RNF38: variants seen among roughly 807,000 people sequenced by gnomAD.
RNF38 encodes the protein E3 ubiquitin-protein ligase RNF38.
A neutral mutation model predicts 67.2 loss-of-function variants in RNF38; 15 were observed. The ratio of observed to expected loss-of-function variants is 0.22; its 90% CI spans 0.15 to 0.34. The LOEUF (loss-of-function observed/expected upper bound fraction) is 0.34, where lower values mean the gene tolerates loss of function less well. RNF38 is among the 10% of genes least tolerant of loss of function. The probability of loss-of-function intolerance (pLI) is 1.00; values close to 1 mark genes in which losing one functional copy is unlikely to be tolerated. For synonymous variants in RNF38, 220 were observed against 218.8 expected, an observed-to-expected ratio of 1.01 and a Z score of -0.05; for missense variants, 524 against 639.9, an observed-to-expected ratio of 0.82 and a Z score of 1.95.
rs878899923 is a variant in RNF38 at position 36,339,623 on chromosome 9, T to C, written c.*129A>G. The C allele has an allele frequency of 1.4e-6, 1 of 692,776 alleles. No individual in the cohort carries two copies. The highest frequency in any genetic ancestry group is 2.7e-5 in the East Asian group (1 of 36,584). The allele number at this position is 692,776 out of a possible 1,614,324, so 42.9% of individuals were successfully genotyped here. ...TTTTATAGTTGATTAAGTCACACAG[T>C]GCAAAGAAAGGTCCATTGACCCTTT... On this transcript the variant is annotated 3_prime_UTR_variant, in exon 12 of 12. Transcript: ENST00000259605.
intron 9 of RNF38, among the ~76,000 whole-genome samples, chr9:36,346,935 C>T (rs1390036210): frequency 2.0e-5 from 3 of 152,006 alleles, no homozygotes; most frequent in South Asian, 2.1e-4. Context: ...CTGGTCAACA[C>T]GGTGAAACCC....
At chr9:36,436,784 T>G (rs981165724) in intron 1 of RNF38, among the ~76,000 whole-genome samples, 4 of 130,318 alleles carry the variant, frequency 3.1e-5, no homozygotes, top group African/African-American at 1.2e-4. Flanking sequence ...ATAGCACCAC[T>G]GCACTCCAGC....
intron 2 of RNF38, among the ~76,000 whole-genome samples, chr9:36,384,673 T>C (rs1489731873): frequency 6.6e-6 from 1 of 152,234 alleles, no homozygotes; most frequent in South Asian, 2.1e-4. Context: ...TAAATAAATG[T>C]GGTTATGTTA....
intron 2 of RNF38, among the ~76,000 whole-genome samples, chr9:36,388,855 G>C (rs1426908498): frequency 6.6e-6 from 1 of 152,082 alleles, no homozygotes; most frequent in East Asian, 1.9e-4. Context: ...ACACATTAAG[G>C]GAATAATTTT....
At chr9:36,389,701 T>C (rs2134006619) in intron 2 of RNF38, among the ~76,000 whole-genome samples, 1 of 152,344 alleles carries the variant, frequency 6.6e-6, no homozygotes, top group Middle Eastern at 3.4e-3. Context: ...TTCACTTTCA[T>C]ACAAACAGAA....
chr9:36,394,040 G>T (rs767664965), intron 1 of RNF38, among the ~76,000 whole-genome samples: 7 of 152,200 alleles, frequency 4.6e-5, no homozygotes, highest in Non-Finnish European at 7.3e-5. Flanking sequence ...ACTTTGGGAG[G>T]CCGAGGCGGG....
chr9:36,422,564 T>C (rs1170391668), intron 2 of RNF38, among the ~76,000 whole-genome samples: 6 of 152,232 alleles, frequency 3.9e-5, no homozygotes, highest in Non-Finnish European at 7.3e-5. Context: ...CCTAGACACA[T>C]AGCTACCTAT....
At chr9:36,412,235 A>G (rs543899764) in intron 2 of RNF38, among the ~76,000 whole-genome samples, 20 of 152,266 alleles carry the variant, frequency 1.3e-4, no homozygotes, top group Admixed American at 2.0e-4. Flanking sequence ...ATGCTTACAA[A>G]TATCAGCCTT....
chr9:36,385,797 A>G (rs1836581977), intron 2 of RNF38, among the ~76,000 whole-genome samples: 1 of 152,206 alleles, frequency 6.6e-6, no homozygotes. Flanking sequence ...GAAAGGGCCC[A>G]GTTCTTCTCG....
In RNF38 at chr9:36,338,554, T is replaced by TTAA. The variant is rs1764238923; in HGVS notation, c.*1195_*1197dup. On this transcript the variant is annotated 3_prime_UTR_variant, in exon 12 of 12. Coordinates refer to ENST00000259605, the MANE Select transcript of RNF38 (RefSeq NM_022781.5). ...TCAGAATTGGAGTCTGGCAAGTGAA[T>TTAA]TAATATGAACAGAAATAGAGTTTTC... 1 of 152,200 alleles carries TTAA rather than the reference T, an allele frequency of 6.6e-6. No homozygotes were observed. Among genetic ancestry groups the TTAA allele is most frequent in the South Asian group, 2.1e-4 (1 of 4,836 alleles). The allele number at this position is 152,200 out of a possible 1,614,324, so 9.4% of individuals were successfully genotyped here.
rs1291841408 is a variant in RNF38 at position 36,369,857 on chromosome 9, A to G, written c.432T>C (p.Tyr144=). 2 of 1,613,720 alleles carry G rather than the reference A, an allele frequency of 1.2e-6. No homozygotes were observed. The highest frequency in any genetic ancestry group is 1.7e-6 in the Non-Finnish European group (2 of 1,180,034). Residue 144 remains tyrosine (Y), a synonymous_variant, in exon 4 of 12, where the codon TAT becomes TAC. Transcript: ENST00000259605. ...GCTGCTGTGCGTAAGGGAGATGGTG[A>G]TAGTTTTCATCTTGACTAATGGAAT... ...RHNSISQDEN[Y]HHLPYAQQQA...
At chr9:36,398,444 G>GT (rs1301788921) in intron 1 of RNF38, among the ~76,000 whole-genome samples, 1 of 152,172 alleles carries the variant, frequency 6.6e-6, no homozygotes, top group Non-Finnish European at 1.5e-5. Context: ...AATGAAAGAT[G>GT]TAAGAGTTGG....
At chr9:36,401,060 G>A, upstream of RNF38, 1 of 984,656 alleles carries the variant, frequency 1.0e-6, no homozygotes, top group Non-Finnish European at 1.2e-6. Context: ...CTTGGGTCCG[G>A]GTCGCCCGTC....
intron 2 of RNF38, among the ~76,000 whole-genome samples, chr9:36,379,054 C>T (rs1467373082): frequency 6.6e-6 from 1 of 152,062 alleles, no homozygotes; most frequent in African/African-American, 2.4e-5. Flanking sequence ...GCATGCACCA[C>T]CATGCCTGGC....
intron 11 of RNF38, 70 bp from the exon 12 acceptor site, chr9:36,339,884 CTACTTT>C: frequency 8.1e-7 from 1 of 1,227,796 alleles, no homozygotes; most frequent in South Asian, 1.3e-5. Context: ...AGCAATGGAA[CTACTTT>C]TACTTCCCAC....
chr9:36,405,674 T>G (rs933334900), upstream of RNF38, among the ~76,000 whole-genome samples: 1 of 152,184 alleles, frequency 6.6e-6, no homozygotes, highest in Non-Finnish European at 1.5e-5. Flanking sequence ...GGAGTTAAAT[T>G]TCCTTAGATG....
intron 1 of RNF38, among the ~76,000 whole-genome samples, chr9:36,459,804 A>G (rs1206505927): frequency 6.6e-6 from 1 of 152,048 alleles, no homozygotes; most frequent in Non-Finnish European, 1.5e-5. Flanking sequence ...TACAATACTG[A>G]AAATCAGTTT....
intron 1 of RNF38, among the ~76,000 whole-genome samples, chr9:36,466,580 G>A (rs1318433253): frequency 2.6e-5 from 4 of 151,962 alleles, no homozygotes; most frequent in African/African-American, 2.4e-5. Context: ...TACGTATTTC[G>A]TATGTCAAAC....
chr9:36,342,434 G>T lies in RNF38; in HGVS notation c.1386-10C>A. On this transcript the variant is annotated splice_polypyrimidine_tract_variant and intron_variant, in intron 10 of 11. Coordinates refer to ENST00000259605, the MANE Select transcript of RNF38 (RefSeq NM_022781.5). ...CATGCATACTACACACCTAAAAAAA[G>T]CAAAAAGATCATTTAACCACAAAAC... 2 of 1,569,104 alleles carry T rather than the reference G, an allele frequency of 1.3e-6. No homozygotes were observed. Among genetic ancestry groups the T allele is most frequent in the Non-Finnish European group, 1.8e-6 (2 of 1,139,370 alleles).
Sources: gnomAD v4.1 joint callset for allele counts (sites outside exome capture counted in the v4.1 genomes callset) on GRCh38, gnomAD v4.1.1 for gene constraint, MANE v1.5 for transcripts, NCBI Gene and HGNC (gene_info 2026-07-23, HGNC 2026-07-21) for gene names.